GALNT14: variants seen among roughly 807,000 people sequenced by gnomAD.
The protein encoded by GALNT14 is UDP-GalNAc:polypeptide N-acetylgalactosaminyltransferase 14.
Under a neutral mutation model 77.5 loss-of-function variants are expected in GALNT14, and 60 were observed. The ratio of observed to expected loss-of-function variants is 0.77; its 90% CI spans 0.63 to 0.96. The LOEUF is 0.96. GALNT14 is among the 40% of genes least tolerant of loss of function. GALNT14 has a pLI of 0.00. For missense variants in GALNT14, 710 were observed against 731.0 expected (o/e 0.97, Z 0.33); for synonymous variants, 280 against 281.7 (o/e 0.99, Z 0.06).
Position 30,943,510 on chromosome 2 carries a change from T to G in GALNT14, c.828-1206A>C, listed in dbSNP as rs186129248. On this transcript the variant is annotated intron_variant, in intron 8 of 14. Coordinates refer to ENST00000349752, the MANE Select transcript of GALNT14 (RefSeq NM_024572.4). ...AACTGGCTTCATCCTGGGAAACAAGTGCCCTCTGATGAGCAGAGCTATCCC... is the reference window on the plus strand; with the variant it reads ...AACTGGCTTCATCCTGGGAAACAAGGGCCCTCTGATGAGCAGAGCTATCCC... Among the ~76,000 whole-genome samples the G allele has an allele frequency of 3.1e-3, 477 of 152,302 alleles. 3 individuals carry two copies. The highest frequency in any genetic ancestry group is 0.011 in the African/African-American group (460 of 41,562).
At chr2:30,929,606 C>A in intron 10 of GALNT14, 119 bp from the exon 11 acceptor site, 1 of 680,426 alleles carries the variant, frequency 1.5e-6, no homozygotes, top group East Asian at 2.8e-5. Flanking sequence ...GTGGGGGCCA[C>A]CATGGTCAAC....
intron 1 of GALNT14, among the ~76,000 whole-genome samples, chr2:31,009,646 C>T (rs9636424): frequency 6.6e-6 from 1 of 152,164 alleles, no homozygotes; most frequent in Non-Finnish European, 1.5e-5. Flanking sequence ...TCTCACCTTG[C>T]ATGGATTTCA....
intron 1 of GALNT14, among the ~76,000 whole-genome samples, chr2:31,030,880 A>T (rs1365717548): frequency 1.3e-5 from 2 of 152,202 alleles, no homozygotes; most frequent in African/African-American, 4.8e-5. Context: ...CAGACCCATC[A>T]GCAACTCTTT....
chr2:31,125,189 G>C lies in GALNT14; in HGVS notation c.129+12769C>G. The C allele has an allele frequency of 2.6e-6, 4 of 1,550,508 alleles. No homozygotes were observed. In the South Asian group the frequency reaches 3.6e-5, roughly 14 times the overall value. On this transcript the variant is annotated intron_variant, in intron 1 of 14. Transcript: ENST00000349752. ...ATGCCCTCTTTGGTAGGGAGGAGTG[G>C]GTGATACAGGCACCTGAGGCGCCCA...
chr2:31,129,733 A>T, intron 1 of GALNT14: 32 of 624,552 alleles, frequency 5.1e-5, no homozygotes, highest in Non-Finnish European at 6.2e-5. Flanking sequence ...GGGGGGTGGG[A>T]GGGACATCAA....
intron 1 of GALNT14, among the ~76,000 whole-genome samples, chr2:31,086,026 C>G (rs2148590869): frequency 6.6e-6 from 1 of 152,294 alleles, no homozygotes; most frequent in Admixed American, 6.5e-5. Context: ...CACCGGAAAA[C>G]CTGACCCCAA....
intron 1 of GALNT14, among the ~76,000 whole-genome samples, chr2:31,018,253 CAT>C (rs1671504395): frequency 6.6e-6 from 1 of 152,266 alleles, no homozygotes; most frequent in South Asian, 2.1e-4. Context: ...GAATGACTAC[CAT>C]ATATCATTCA....
chr2:31,019,299 T>G (rs1671572283), intron 1 of GALNT14, among the ~76,000 whole-genome samples: 1 of 152,176 alleles, frequency 6.6e-6, no homozygotes, highest in Non-Finnish European at 1.5e-5. Flanking sequence ...CAGCTTGGGT[T>G]GAGAATTTGT....
At chr2:30,972,209 C>T (rs534018195) in intron 2 of GALNT14, among the ~76,000 whole-genome samples, 7 of 152,174 alleles carry the variant, frequency 4.6e-5, no homozygotes, top group Non-Finnish European at 8.8e-5. Flanking sequence ...AAAGAGAAGC[C>T]GCTCTGGCTT....
intron 13 of GALNT14, among the ~76,000 whole-genome samples, chr2:30,915,011 T>A (rs2148204776): frequency 6.6e-6 from 1 of 152,344 alleles, no homozygotes; most frequent in Admixed American, 6.5e-5. Flanking sequence ...TACCTGACTA[T>A]AGAGTCTGTA....
At chr2:31,119,853 A>C (rs1033294683) in intron 1 of GALNT14, among the ~76,000 whole-genome samples, 2 of 152,224 alleles carry the variant, frequency 1.3e-5, no homozygotes, top group African/African-American at 4.8e-5. Flanking sequence ...AATATTATGC[A>C]GTCATTAAAA....
At chr2:31,137,583 G>C (rs971166934) in intron 1 of GALNT14, among the ~76,000 whole-genome samples, 11 of 152,098 alleles carry the variant, frequency 7.2e-5, no homozygotes, top group African/African-American at 2.4e-4. Context: ...CACTTCGCCC[G>C]GGCGCTGGCC....
intron 1 of GALNT14, among the ~76,000 whole-genome samples, chr2:31,105,942 CG>C (rs1558572657): frequency 6.6e-6 from 1 of 152,108 alleles, no homozygotes. Flanking sequence ...GTAAAAAACA[CG>C]GTTCCTATTA....
At chr2:31,108,325 C>A (rs149644688) in intron 1 of GALNT14, among the ~76,000 whole-genome samples, 6 of 152,228 alleles carry the variant, frequency 3.9e-5, no homozygotes, top group African/African-American at 7.2e-5. Context: ...TCTTCAAAAG[C>A]AATTTGCTTG....
At chr2:31,007,826 A>G (rs1424107598) in intron 1 of GALNT14, among the ~76,000 whole-genome samples, 1 of 152,162 alleles carries the variant, frequency 6.6e-6, no homozygotes, top group African/African-American at 2.4e-5. Flanking sequence ...TATCTAAACA[A>G]ATTTCCAGAG....
intron 1 of GALNT14, chr2:31,125,106 G>A (rs568867066): frequency 7.3e-7 from 1 of 1,375,960 alleles, no homozygotes; most frequent in East Asian, 2.5e-5. Flanking sequence ...TGCTTGGGCA[G>A]AAAAGCAGCT....
intron 3 of GALNT14, 54 bp from the exon 4 acceptor site, chr2:30,958,518 G>T: frequency 7.2e-7 from 1 of 1,393,020 alleles, no homozygotes; most frequent in Middle Eastern, 1.8e-4. Context: ...CAAAATATAT[G>T]TACTAACCCG....
chr2:30,970,772 G>T (rs1013838938), intron 2 of GALNT14, among the ~76,000 whole-genome samples: 1 of 152,078 alleles, frequency 6.6e-6, no homozygotes, highest in African/African-American at 2.4e-5. Context: ...AGGTAGTGGG[G>T]TGCCATCCCC....
rs140870792 is a variant in GALNT14, at chr2:31,072,431, G to A, written c.129+65527C>T. Among the ~76,000 whole-genome samples, 738 of 148,940 alleles carry A rather than the reference G, an allele frequency of 5.0e-3. 5 individuals carry two copies. The highest frequency in any genetic ancestry group is 0.024 in the Middle Eastern group (7 of 286). On this transcript the variant is annotated intron_variant, in intron 1 of 14. Transcript: ENST00000349752. ...CTTCCTCTCTTTCATTTTCACCTTC[G>A]CCTGACCTCTCCTCTCTTTCATCCT...
Sources: gnomAD v4.1 joint callset for allele counts (sites outside exome capture counted in the v4.1 genomes callset) on GRCh38, gnomAD v4.1.1 for gene constraint, MANE v1.5 for transcripts, NCBI Gene and HGNC (gene_info 2026-07-23, HGNC 2026-07-21) for gene names.